Variants in CRACD observed in about 807,000 individuals in gnomAD.
The protein encoded by CRACD is capping protein-inhibiting regulator of actin dynamics.
In CRACD, 56 loss-of-function variants were observed where a neutral mutation model predicts 106.8. The observed-to-expected ratio is 0.52, with a 90% CI of 0.42 to 0.66. CRACD has a LOEUF of 0.66. CRACD is among the 30% of genes least tolerant of loss of function. CRACD has a pLI of 0.00. For missense variants in CRACD, 1,730 were observed against 1,623.2 expected (o/e 1.07, Z -1.13); for synonymous variants, 754 against 670.8 (o/e 1.12, Z -1.92).
At chr4:56,148,295 AT>A (rs200051614) in intron 1 of CRACD, among the ~76,000 whole-genome samples, 3,768 of 150,930 alleles carry the variant, frequency 0.025, 148 homozygotes, top group African/African-American at 0.086. Flanking sequence ...AAAAAAAAAA[AT>A]TTATTTTTTC....
chr4:56,275,663 G>T (rs866737616), intron 3 of CRACD, among the ~76,000 whole-genome samples: 1 of 152,074 alleles, frequency 6.6e-6, no homozygotes, highest in African/African-American at 2.4e-5. Context: ...TTAGTTCATG[G>T]TTCAATTAAC....
At chr4:56,188,686 T>TCTCACA (rs1553908658) in intron 2 of CRACD, among the ~76,000 whole-genome samples, 72 of 92,172 alleles carry the variant, frequency 7.8e-4, no homozygotes, top group Non-Finnish European at 1.0e-3. Flanking sequence ...TCTCTCTCTC[T>TCTCACA]CACACACACA....
intron 2 of CRACD, among the ~76,000 whole-genome samples, chr4:56,258,973 A>G (rs1741532778): frequency 6.6e-6 from 1 of 152,194 alleles, no homozygotes; most frequent in African/African-American, 2.4e-5. Flanking sequence ...TCTCATAGTC[A>G]GGATTCATGG....
Position 56,315,447 on chromosome 4 carries a change from A to C in CRACD, c.1945A>C (p.Ser649Arg). 1 of 1,612,944 alleles carries C rather than the reference A, an allele frequency of 6.2e-7. No homozygotes were observed. Among genetic ancestry groups the C allele is most frequent in the East Asian group, 2.2e-5 (1 of 44,846 alleles). The change falls in exon 8 of 11, where the codon AGC becomes CGC. Residue 649 changes from serine (S) to arginine (R), a missense_variant. Ser to Arg is a moderately radical substitution (Grantham distance 110). This residue lies in a region of CRACD where 1,620 missense variants were observed against 1,481.6 expected (regional missense o/e 1.09). Transcript: ENST00000682029. This position sits in a 1 kb window ranked among gnomAD's most constrained non-coding sequence, Gnocchi z 4.1. The stretch of plus-strand genomic sequence containing the variant: ...AGGCCCCGGCGACGCGAGGGCGGGC[A>C]GCGGGAAGGCTAAGCCCCGCCAGGA... Reference protein sequence around the residue: ...PRGPGDARAGSGKAKPRQESP... With the variant: ...PRGPGDARAGRGKAKPRQESP...
chr4:56,076,514 A>G (rs1732842906), intron 1 of CRACD, among the ~76,000 whole-genome samples: 1 of 152,198 alleles, frequency 6.6e-6, no homozygotes, highest in Non-Finnish European at 1.5e-5. Context: ...AAAAGAATTT[A>G]CCCTTCCACA....
rs535061458 is a variant in CRACD, at chr4:56,270,988, C to A, written c.-188-1333C>A. ...GGCGTGGTGGCAGGCGCCTGTGATC[C>A]CAGCTACTCGGGAGGCTGAGACAGG... On this transcript the variant is annotated intron_variant, in intron 2 of 10. Transcript: ENST00000682029. Among the ~76,000 whole-genome samples, 18 of 151,746 alleles carry A rather than the reference C, an allele frequency of 1.2e-4. No individual in the cohort carries two copies. In the East Asian group the frequency reaches 3.3e-3, roughly 28 times the overall value.
intron 1 of CRACD, among the ~76,000 whole-genome samples, chr4:56,083,919 G>C (rs1235999818): frequency 6.6e-6 from 1 of 152,188 alleles, no homozygotes; most frequent in Non-Finnish European, 1.5e-5. Flanking sequence ...CTAGGCTGCG[G>C]TGAGCTGTGA....
In CRACD at chr4:56,313,249, C is replaced by T; in HGVS notation, c.407C>T (p.Thr136Ile). Residue 136 changes from threonine (T) to isoleucine (I), a missense_variant, in exon 7 of 11, where the codon ACC (threonine) becomes ATC (isoleucine). Physicochemically the swap from Thr to Ile is moderately conservative, Grantham distance 89 (BLOSUM62 -1). Coordinates refer to ENST00000682029, the MANE Select transcript of CRACD (RefSeq NM_001393381.1). ...RPKRHFSSAGTIESVNLDAIP... is the reference protein window; with the variant it reads ...RPKRHFSSAGIIESVNLDAIP... ...AAAAGGCACTTCTCTTCTGCTGGCA[C>T]CATCGAAAGTGTCAACTTAGATGCC... 1.2e-6 allele frequency: 2 copies of T among 1,614,182 alleles called. No homozygotes were observed. The highest frequency in any genetic ancestry group is 1.7e-6 in the Non-Finnish European group (2 of 1,180,034).
In CRACD at chr4:56,315,521, C is replaced by A. The variant is rs1044854436; in HGVS notation, c.2019C>A (p.Ser673=). ...SALAEWASIR[S]RILKNAESDP... The stretch of plus-strand genomic sequence containing the variant: ...TCGCAGAATGGGCTTCCATTCGGTC[C>A]AGAATCCTGAAGAACGCAGAGAGTG... Residue 673 remains serine, a synonymous_variant, in exon 8 of 11, where the codon TCC becomes TCA. Coordinates refer to ENST00000682029, the MANE Select transcript of CRACD (RefSeq NM_001393381.1). This position sits in a 1 kb window ranked among gnomAD's most constrained non-coding sequence, Gnocchi z 4.1. 3.7e-6 allele frequency: 6 copies of A among 1,613,994 alleles called. No individual in the cohort carries two copies. The Admixed American group carries it at 5.0e-5, about 13-fold the overall frequency.
chr4:56,225,801 A>C (rs1739269834), intron 2 of CRACD, among the ~76,000 whole-genome samples: 1 of 152,220 alleles, frequency 6.6e-6, no homozygotes, highest in Non-Finnish European at 1.5e-5. Context: ...GACCTTTAGG[A>C]AGTAATTCAA....
At chr4:56,103,683 T>C (rs903276804) in intron 1 of CRACD, among the ~76,000 whole-genome samples, 1 of 152,252 alleles carries the variant, frequency 6.6e-6, no homozygotes, top group African/African-American at 2.4e-5. Flanking sequence ...TCTTTTGTAA[T>C]TCCAGCATTA....
chr4:56,078,580 T>A (rs6839220), intron 1 of CRACD, among the ~76,000 whole-genome samples: 60,610 of 151,998 alleles, frequency 0.4, 13,683 homozygotes, highest in African/African-American at 0.62. Context: ...CTGATTTTTT[T>A]AAATTCTTTA....
At chr4:56,212,834 A>G (rs925395195) in intron 2 of CRACD, among the ~76,000 whole-genome samples, 5 of 152,210 alleles carry the variant, frequency 3.3e-5, no homozygotes, top group Non-Finnish European at 1.5e-5. Flanking sequence ...TCTAAGGCCT[A>G]TAAATGGATC....
At chr4:56,069,852 A>T (rs903062124) in intron 1 of CRACD, among the ~76,000 whole-genome samples, 2 of 152,168 alleles carry the variant, frequency 1.3e-5, no homozygotes, top group African/African-American at 4.8e-5. Context: ...AGAGAGATGG[A>T]CTCTTTCAAA....
chr4:56,246,673 T>C (rs1378778364), intron 2 of CRACD: 1 of 152,276 alleles, frequency 6.6e-6, no homozygotes, highest in Non-Finnish European at 1.5e-5. Context: ...AAGAATCTCA[T>C]GTTTGATCGG....
At chr4:56,108,132 C>T (rs959355511) in intron 1 of CRACD, among the ~76,000 whole-genome samples, 1 of 152,288 alleles carries the variant, frequency 6.6e-6, no homozygotes, top group African/African-American at 2.4e-5. Flanking sequence ...GTCAGAGTGG[C>T]TAGTTAGTTG....
intron 4 of CRACD, chr4:56,301,231 T>TGC (rs1744349624): frequency 7.8e-7 from 1 of 1,287,770 alleles, no homozygotes; most frequent in Admixed American, 2.3e-5. Context: ...TTCAGTCGAC[T>TGC]AAGCAGTATG....
At chr4:56,116,694 AT>A (rs1196643728) in intron 1 of CRACD, among the ~76,000 whole-genome samples, 1 of 152,014 alleles carries the variant, frequency 6.6e-6, no homozygotes, top group Non-Finnish European at 1.5e-5. Context: ...AAGTGACAGA[AT>A]TTTTTATTTT....
At chr4:56,296,980 C>T (rs1200396963) in intron 3 of CRACD, among the ~76,000 whole-genome samples, 2 of 149,564 alleles carry the variant, frequency 1.3e-5, no homozygotes, top group East Asian at 1.9e-4. Flanking sequence ...AGTGCAGTGG[C>T]GCAATCTTGG....
Sources: allele counts gnomAD v4.1 joint callset (sites outside exome capture counted in the v4.1 genomes callset), GRCh38; gene constraint gnomAD v4.1.1; regional missense constraint gnomAD v4.1.1; non-coding constraint Gnocchi (gnomAD v3.1); transcripts MANE v1.5; gene names NCBI Gene and HGNC (gene_info 2026-07-23, HGNC 2026-07-21).